GPC6: variants seen among roughly 807,000 people sequenced by gnomAD.
The protein encoded by GPC6 is glypican-6.
Under a neutral mutation model 55.2 loss-of-function variants are expected in GPC6, and 14 were observed. The observed-to-expected ratio is 0.25, with a 90% CI of 0.17 to 0.40. The LOEUF (loss-of-function observed/expected upper bound fraction) is 0.40. Among genes scored for constraint, GPC6 ranks in the 10% least tolerant of loss-of-function variants. The pLI is 1.00. For missense variants in GPC6, 641 were observed against 708.5 expected, an observed-to-expected ratio of 0.90 and a Z score of 1.08; for synonymous variants, 278 against 259.6, an observed-to-expected ratio of 1.07 and a Z score of -0.68.
In GPC6 at chr13:93,632,636, T is replaced by TATATATATATAA. The variant is rs377056284; in HGVS notation, c.319+87216_319+87217insTATATATATAAA. 2.2e-3 allele frequency among the ~76,000 whole-genome samples: 279 copies of TATATATATATAA among 128,228 alleles called. 1 individual carries two copies. Among genetic ancestry groups the TATATATATATAA allele is most frequent in the East Asian group, 7.6e-3 (36 of 4,762 alleles). 84.1% of individuals were successfully genotyped at this position (128,228 alleles called of 152,430 possible). ...ATATATGTATATATATATATATATA[T>TATATATATATAA]AATAAAATAAAAACTGTTTTCCAAA... On this transcript the variant is annotated intron_variant, in intron 2 of 8. Coordinates refer to ENST00000377047, the MANE Select transcript of GPC6 (RefSeq NM_005708.5).
intron 3 of GPC6, among the ~76,000 whole-genome samples, chr13:93,968,487 G>A (rs759299406): frequency 1.3e-5 from 2 of 151,988 alleles, no homozygotes; most frequent in Non-Finnish European, 2.9e-5. Context: ...TTAATGGAAT[G>A]CATTCTGTTA....
chr13:93,356,991 G>T (rs1880869611), intron 1 of GPC6, among the ~76,000 whole-genome samples: 1 of 152,134 alleles, frequency 6.6e-6, no homozygotes. Flanking sequence ...GCTTCTGAGT[G>T]CCAACTCCAA....
At chr13:93,844,189 A>T (rs1010943849) in intron 3 of GPC6, among the ~76,000 whole-genome samples, 2 of 152,048 alleles carry the variant, frequency 1.3e-5, no homozygotes, top group African/African-American at 4.8e-5. Context: ...ACCAGGCTGG[A>T]GTGCAATGCC....
At chr13:93,541,699 A>G (rs530535299) in intron 1 of GPC6, among the ~76,000 whole-genome samples, 3 of 143,278 alleles carry the variant, frequency 2.1e-5, no homozygotes, top group African/African-American at 5.2e-5. Context: ...TTGTTTCCTG[A>G]CTTTTTAATG....
chr13:94,269,073 C>A (rs1425464715), intron 4 of GPC6, among the ~76,000 whole-genome samples: 1 of 151,988 alleles, frequency 6.6e-6, no homozygotes, highest in Non-Finnish European at 1.5e-5. Flanking sequence ...ATAACATCGA[C>A]CTCTTAGAAT....
At chr13:93,403,467 A>G (rs1876168976) in intron 1 of GPC6, among the ~76,000 whole-genome samples, 1 of 152,178 alleles carries the variant, frequency 6.6e-6, no homozygotes, top group Non-Finnish European at 1.5e-5. Context: ...ACAGCTATTC[A>G]TTTCATTATA....
chr13:93,744,998 C>T (rs1425865716), intron 2 of GPC6, among the ~76,000 whole-genome samples: 8 of 151,910 alleles, frequency 5.3e-5, no homozygotes, highest in African/African-American at 1.9e-4. Context: ...TCCTCTCCAC[C>T]TCCACAGTGG....
chr13:94,045,550 C>A (rs964273448), intron 4 of GPC6, among the ~76,000 whole-genome samples: 5 of 151,796 alleles, frequency 3.3e-5, no homozygotes, highest in African/African-American at 1.2e-4. Flanking sequence ...AAGTGACTTG[C>A]AGAATTATTT....
chr13:93,510,985 G>GTATATATA (rs1880942460), intron 1 of GPC6, among the ~76,000 whole-genome samples: 2 of 36,808 alleles, frequency 5.4e-5, no homozygotes, highest in African/African-American at 1.4e-4. Context: ...ATATATATAT[G>GTATATATA]TGTATATATA....
At chr13:93,251,347 T>C (rs1032894035) in intron 1 of GPC6, among the ~76,000 whole-genome samples, 6 of 152,182 alleles carry the variant, frequency 3.9e-5, no homozygotes, top group African/African-American at 1.4e-4. Context: ...TAACAGACCC[T>C]CATGCCCTTA....
At chr13:94,229,659 A>G (rs1594079145) in intron 4 of GPC6, among the ~76,000 whole-genome samples, 1 of 152,210 alleles carries the variant, frequency 6.6e-6, no homozygotes, top group African/African-American at 2.4e-5. Context: ...TCAATAACAC[A>G]AGGTTAGAAG....
At chr13:93,584,369 T>C (rs1264070798) in intron 2 of GPC6, among the ~76,000 whole-genome samples, 1 of 152,162 alleles carries the variant, frequency 6.6e-6, no homozygotes, top group Non-Finnish European at 1.5e-5. Context: ...TTCAGGGTCT[T>C]GTGAGCTCAA....
chr13:94,116,852 G>T (rs1886448464), intron 4 of GPC6, among the ~76,000 whole-genome samples: 1 of 152,040 alleles, frequency 6.6e-6, no homozygotes, highest in South Asian at 2.1e-4. Context: ...ACAAGCTGCT[G>T]CCCAGGTTAG....
intron 1 of GPC6, among the ~76,000 whole-genome samples, chr13:93,344,187 C>G (rs969397734): frequency 5.3e-5 from 8 of 152,178 alleles, no homozygotes; most frequent in African/African-American, 1.9e-4. Context: ...CCATTCTAGC[C>G]TTTTCATCTT....
At chr13:94,097,316 C>T (rs1234563732) in intron 4 of GPC6, among the ~76,000 whole-genome samples, 2 of 151,838 alleles carry the variant, frequency 1.3e-5, no homozygotes, top group Admixed American at 1.3e-4. Flanking sequence ...TCCTGGCTAA[C>T]ACGGTGAAAC....
intron 1 of GPC6, among the ~76,000 whole-genome samples, chr13:93,409,955 T>C (rs1876435420): frequency 6.6e-6 from 1 of 152,168 alleles, no homozygotes; most frequent in South Asian, 2.1e-4. Flanking sequence ...ACATCACCAA[T>C]TCCTTTTTGA....
At chr13:94,218,050 T>G (rs1315419550) in intron 4 of GPC6, among the ~76,000 whole-genome samples, 2 of 152,174 alleles carry the variant, frequency 1.3e-5, no homozygotes, top group East Asian at 3.9e-4. Context: ...TATATTGAAT[T>G]TTAACTCTGA....
intron 4 of GPC6, among the ~76,000 whole-genome samples, chr13:94,063,229 A>C (rs1432560433): frequency 2.0e-5 from 3 of 152,206 alleles, no homozygotes; most frequent in Admixed American, 6.5e-5. Context: ...TGAGACACTC[A>C]TATGTTCAAC....
chr13:94,043,559 A>G (rs1883617170), intron 4 of GPC6, among the ~76,000 whole-genome samples: 1 of 151,752 alleles, frequency 6.6e-6, no homozygotes, highest in African/African-American at 2.4e-5. Flanking sequence ...TTTTGTGTGT[A>G]TATTTTGTGT....
Sources: gnomAD v4.1 joint callset for allele counts (sites outside exome capture counted in the v4.1 genomes callset) on GRCh38, gnomAD v4.1.1 for gene constraint, MANE v1.5 for transcripts, NCBI Gene and HGNC (gene_info 2026-07-23, HGNC 2026-07-21) for gene names.